The following PLB1 variants were observed in gnomAD, a reference collection of about 807,000 sequenced individuals.
PLB1 encodes the protein phospholipase B1, also known as phospholipase B1, membrane-associated.
In PLB1, 242 loss-of-function variants were observed where a neutral mutation model predicts 227.4. The observed-to-expected ratio is 1.06, with a 90% CI of 0.96 to 1.18. The LOEUF (loss-of-function observed/expected upper bound fraction) is 1.18, where lower values mean the gene tolerates loss of function less well. Among genes scored for constraint, PLB1 ranks in the 50% most tolerant of loss-of-function variants. The pLI, the probability that PLB1 is intolerant of heterozygous loss-of-function variation, is 0.00. For missense variants in PLB1, 1,858 were observed against 1,816.3 expected (o/e 1.02, Z -0.42); for synonymous variants, 757 against 682.2 (o/e 1.11, Z -1.71).
intron 44 of PLB1, among the ~76,000 whole-genome samples, chr2:28,617,075 G>A (rs949272525): frequency 3.3e-5 from 5 of 152,008 alleles, no homozygotes; most frequent in African/African-American, 1.2e-4. Flanking sequence ...CCCAGCACCT[G>A]GAAAATATGT....
chr2:28,589,926 C>G, intron 28 of PLB1, 79 bp from the exon 29 acceptor site: 4 of 1,428,558 alleles, frequency 2.8e-6, no homozygotes, highest in Non-Finnish European at 4.0e-6. Flanking sequence ...CCCTGCCTCC[C>G]GCACCCCTGA....
At chr2:28,573,330 G>T in intron 21 of PLB1, 25 bp downstream of exon 21, 1 of 1,545,890 alleles carries the variant, frequency 6.5e-7, no homozygotes, top group Non-Finnish European at 8.9e-7. Flanking sequence ...CCGGGGCGGT[G>T]AACAGCACAG....
At chr2:28,577,048 C>T (rs1444149511) in intron 21 of PLB1, among the ~76,000 whole-genome samples, 1 of 152,192 alleles carries the variant, frequency 6.6e-6, no homozygotes, top group Non-Finnish European at 1.5e-5. Context: ...ACGTGCCAAG[C>T]ACTGTTGTAA....
chr2:28,553,950 C>T (rs1206704836), intron 17 of PLB1, among the ~76,000 whole-genome samples: 2 of 152,112 alleles, frequency 1.3e-5, no homozygotes, highest in Non-Finnish European at 2.9e-5. Context: ...CAAATAAATG[C>T]TTGGCTGCCC....
At position 28,565,332 on chromosome 2, in the gene PLB1, A is replaced by G. The variant is rs766909599; in HGVS notation, c.1259A>G (p.Gln420Arg). 3.7e-6 allele frequency: 6 copies of G among 1,610,788 alleles called. No individual in the cohort carries two copies. In the South Asian group the frequency reaches 5.6e-5, roughly 15 times the overall value. ...GGGAACGTCTTGGACGTCTTGACTC[A>G]GTACCGAGGCCTGTCCTGGAGGTGA... The part of the protein sequence containing the change: ...TPGNVLDVLT[Q>R]YRGLSWSVGG... Residue 420 changes from glutamine to arginine, a missense_variant, in exon 19 of 58, where the codon CAG (glutamine) becomes CGG (arginine). Coordinates refer to ENST00000327757, the MANE Select transcript of PLB1 (RefSeq NM_153021.5).
At chr2:28,608,445 G>T in intron 43 of PLB1, among the ~76,000 whole-genome samples, 1 of 152,230 alleles carries the variant, frequency 6.6e-6, no homozygotes, top group East Asian at 1.9e-4. Context: ...AGGAGGCCGA[G>T]ATGGCTGTGA....
At chr2:28,557,170 CTT>C in intron 17 of PLB1, among the ~76,000 whole-genome samples, 1 of 152,318 alleles carries the variant, frequency 6.6e-6, no homozygotes, top group East Asian at 1.9e-4. Context: ...CCCCAAGACA[CTT>C]AGAGAAGTGT....
chr2:28,531,375 G>A (rs1670989602), intron 8 of PLB1, among the ~76,000 whole-genome samples: 1 of 152,096 alleles, frequency 6.6e-6, no homozygotes, highest in Non-Finnish European at 1.5e-5. Flanking sequence ...GCAATGGTGC[G>A]ATCTCGTTTC....
At chr2:28,504,596 A>T (rs1174457420) in intron 1 of PLB1, among the ~76,000 whole-genome samples, 1 of 152,144 alleles carries the variant, frequency 6.6e-6, no homozygotes, top group Non-Finnish European at 1.5e-5. Context: ...TACAAAAATT[A>T]GCTGGGTATG....
chr2:28,529,671 A>G, intron 7 of PLB1, 57 bp from the exon 8 acceptor site: 1 of 1,542,532 alleles, frequency 6.5e-7, no homozygotes, highest in Non-Finnish European at 9.0e-7. Flanking sequence ...GCAAGCTTCC[A>G]GCCCTTAACA....
Position 28,500,415 on chromosome 2 carries a change from A to G in PLB1, c.55+4246A>G, listed in dbSNP as rs541342546. ...GCCCCATGTGGTTTATAAATTATCCATAGGGAGATACTGTGAGACTGTGTG... is the reference window on the plus strand; with the variant it reads ...GCCCCATGTGGTTTATAAATTATCCGTAGGGAGATACTGTGAGACTGTGTG... On this transcript the variant is annotated intron_variant, in intron 1 of 57. Transcript: ENST00000327757. 6.6e-5 allele frequency among the ~76,000 whole-genome samples: 10 copies of G among 152,306 alleles called. No homozygotes were observed. In the South Asian group the frequency reaches 2.1e-3, roughly 32 times the overall value.
chr2:28,529,333 C>G lies in PLB1; in HGVS notation c.342C>G (p.Ile114Met). 1 of 1,610,270 alleles carries G rather than the reference C, an allele frequency of 6.2e-7. No individual in the cohort carries two copies. The highest frequency in any genetic ancestry group is 8.5e-7 in the Non-Finnish European group (1 of 1,176,548). The change falls in exon 7 of 58, where the codon ATC becomes ATG. Residue 114 changes from isoleucine (I) to methionine (M), a missense_variant. Physicochemically the swap from Ile to Met is conservative, Grantham distance 10 (BLOSUM62 1). Transcript: ENST00000327757. ...TCTCTTTAGTCCTTTCAGACATCAT[C>G]AGATATTTCAGTCCTTCTGTTCCAA... ...MGVMTVLSDI[I>M]RYFSPSVPMP... is the part of the protein sequence containing the mutation.
At position 28,605,940 on chromosome 2, in the gene PLB1, A is replaced by C. The variant is rs746791428; in HGVS notation, c.3049A>C (p.Thr1017Pro). 2 of 1,607,606 alleles carry C rather than the reference A, an allele frequency of 1.2e-6. No homozygotes were observed. The highest frequency in any genetic ancestry group is 8.5e-7 in the Non-Finnish European group (1 of 1,174,172). The change falls in exon 42 of 58, where the codon ACC becomes CCC. Residue 1017 changes from threonine (T) to proline (P), a missense_variant. Thr to Pro is a conservative substitution (Grantham distance 38). Transcript: ENST00000327757. ...CTCCCAGCTGGCCAGAGCCCTTTGGACCAATATGGTAAAATAAGTGGGGTG... is the reference window on the plus strand; with the variant it reads ...CTCCCAGCTGGCCAGAGCCCTTTGGCCCAATATGGTAAAATAAGTGGGGTG... ...FHSQLARALW[T>P]NMLEPLGSKT... is the part of the protein sequence containing the mutation.
chr2:28,602,633 G>T (rs999512236), intron 38 of PLB1, among the ~76,000 whole-genome samples, 188 bp from the exon 39 acceptor site: 1 of 152,226 alleles, frequency 6.6e-6, no homozygotes. Context: ...CCTTTGGGTG[G>T]CACCCATGGA....
At chr2:28,616,184 A>G (rs572082265) in intron 44 of PLB1, among the ~76,000 whole-genome samples, 1 of 152,208 alleles carries the variant, frequency 6.6e-6, no homozygotes, top group Non-Finnish European at 1.5e-5. Flanking sequence ...GACTATAGTT[A>G]ACAGTTTACC....
chr2:28,544,049 TTTC>T (rs1672873367), intron 14 of PLB1, among the ~76,000 whole-genome samples: 1 of 152,234 alleles, frequency 6.6e-6, no homozygotes, highest in Non-Finnish European at 1.5e-5. Context: ...GAAATTCATT[TTTC>T]TTCTTTTGTG....
chr2:28,605,996 C>A, intron 42 of PLB1, 48 bp downstream of exon 42: 1 of 1,441,708 alleles, frequency 6.9e-7, no homozygotes, highest in Non-Finnish European at 9.7e-7. Context: ...TAGTCTAGGG[C>A]AGGGCACCAG....
At chr2:28,602,257 G>A (rs1356382089) in intron 38 of PLB1, among the ~76,000 whole-genome samples, 7 of 152,194 alleles carry the variant, frequency 4.6e-5, no homozygotes, top group African/African-American at 1.4e-4. Flanking sequence ...ACATTTTCTG[G>A]TGGTGGCAGC....
intron 14 of PLB1, among the ~76,000 whole-genome samples, chr2:28,545,331 T>TTCCCCAAGCA (rs1183242369): frequency 6.6e-6 from 1 of 151,556 alleles, no homozygotes; most frequent in South Asian, 2.1e-4. Context: ...TAGGAGGGGG[T>TTCCCCAAGCA]TCCCCAAGCA....
Sources: allele counts gnomAD v4.1 joint callset (sites outside exome capture counted in the v4.1 genomes callset), GRCh38; gene constraint gnomAD v4.1.1; transcripts MANE v1.5; gene names NCBI Gene and HGNC (gene_info 2026-07-23, HGNC 2026-07-21).